The following SLC30A7 variants were observed in gnomAD, a reference collection of about 807,000 sequenced individuals.
SLC30A7 encodes the protein solute carrier family 30 member 7.
In SLC30A7, 35 loss-of-function variants were observed where a neutral mutation model predicts 46.0. That is an observed-to-expected ratio of 0.76 (90% CI 0.58 to 1.01). The LOEUF (loss-of-function observed/expected upper bound fraction) is 1.01, where lower values mean the gene tolerates loss of function less well. Among genes scored for constraint, SLC30A7 ranks in the 50% least tolerant of loss-of-function variants. The pLI is 0.00. For synonymous variants in SLC30A7, 147 were observed against 157.8 expected, an observed-to-expected ratio of 0.93 and a Z score of 0.51; for missense variants, 464 against 451.1, an observed-to-expected ratio of 1.03 and a Z score of -0.26.
At chr1:100,937,778 T>C (rs1200947488) in intron 8 of SLC30A7, among the ~76,000 whole-genome samples, 2 of 152,216 alleles carry the variant, frequency 1.3e-5, no homozygotes, top group African/African-American at 4.8e-5. Flanking sequence ...TTCATGTTTT[T>C]TCTTTTGTTT....
intron 10 of SLC30A7, among the ~76,000 whole-genome samples, chr1:100,968,090 T>C (rs1394168862): frequency 1.3e-5 from 2 of 152,192 alleles, no homozygotes; most frequent in Non-Finnish European, 1.5e-5. Context: ...GAAGCAAACA[T>C]GGTAAAATAT....
the SLC30A7 span, among the ~76,000 whole-genome samples, chr1:100,993,553 AATATAAATAT>A: frequency 8.3e-5 from 3 of 35,934 alleles, 1 homozygote; most frequent in Non-Finnish European, 1.8e-4. Flanking sequence ...CTCTGTCGAA[AATATAAATAT>A]ATATATATAT....
intron 10 of SLC30A7, among the ~76,000 whole-genome samples, chr1:100,969,083 T>G (rs1201097201): frequency 6.6e-6 from 1 of 152,238 alleles, no homozygotes; most frequent in Non-Finnish European, 1.5e-5. Context: ...GTGCTAATCT[T>G]ATGTGTAATC....
At chr1:100,936,506 T>C (rs1653975035) in intron 8 of SLC30A7, among the ~76,000 whole-genome samples, 1 of 152,218 alleles carries the variant, frequency 6.6e-6, no homozygotes, top group African/African-American at 2.4e-5. Flanking sequence ...AGTTAGCTTA[T>C]ACCTCTGTAT....
chr1:100,982,996 A>G (rs1657036392), downstream of SLC30A7, among the ~76,000 whole-genome samples: 2 of 152,120 alleles, frequency 1.3e-5, no homozygotes, highest in South Asian at 4.1e-4. Flanking sequence ...TCTTATGTAG[A>G]GTTTTGGCTT....
the SLC30A7 span, among the ~76,000 whole-genome samples, chr1:100,993,559 A>AATATATATATATAT: frequency 0.011 from 616 of 56,320 alleles, 44 homozygotes; most frequent in Non-Finnish European, 0.013. Flanking sequence ...CGAAAATATA[A>AATATATATATATAT]ATATATATAT....
intron 10 of SLC30A7, among the ~76,000 whole-genome samples, chr1:100,971,524 C>A (rs1656160606): frequency 6.6e-6 from 1 of 152,024 alleles, no homozygotes; most frequent in African/African-American, 2.4e-5. Flanking sequence ...TTAAGTAATC[C>A]ATATGATTTA....
chr1:100,974,080 G>C (rs1324901), intron 10 of SLC30A7, among the ~76,000 whole-genome samples: 1 of 152,156 alleles, frequency 6.6e-6, no homozygotes, highest in Non-Finnish European at 1.5e-5. Context: ...GTTAAGTAAA[G>C]ATTTTTGTTG....
Position 100,974,853 on chromosome 1 carries a change from T to G in SLC30A7, c.1127T>G (p.Met376Arg), listed in dbSNP as rs778612070. 4 of 1,599,250 alleles carry G rather than the reference T, an allele frequency of 2.5e-6. No homozygotes were observed. The East Asian group carries it at 8.9e-5, about 36-fold the overall frequency. ...QLYVQIDFAA[M>R] ...TACGTACAGATTGACTTTGCAGCCA[T>G]GTAGTGAATGGAAAGAAATTATGCA... Residue 376 changes from methionine to arginine, a missense_variant, in exon 11 of 11, where the codon ATG becomes AGG. Transcript: ENST00000357650.
At chr1:100,910,009 A>G (rs1453912058) in intron 3 of SLC30A7, among the ~76,000 whole-genome samples, 2 of 152,096 alleles carry the variant, frequency 1.3e-5, no homozygotes, top group Non-Finnish European at 2.9e-5. Flanking sequence ...CGTTATTTGG[A>G]TGTGTTAGAA....
chr1:100,909,123 A>G (rs777698344), intron 3 of SLC30A7, among the ~76,000 whole-genome samples: 1 of 151,966 alleles, frequency 6.6e-6, no homozygotes, highest in Non-Finnish European at 1.5e-5. Context: ...ATTTAACACT[A>G]TGAATAATTG....
rs17123572 is a variant in SLC30A7 at position 100,976,655 on chromosome 1, T to C, written c.*1798T>C. The C allele has an allele frequency of 0.13, 19,151 of 152,550 alleles. 1,330 individuals carry two copies. The highest frequency in any genetic ancestry group is 0.21 in the Middle Eastern group (62 of 294). The allele number at this position is 152,550 out of a possible 1,614,324, so 9.4% of individuals were successfully genotyped here. A position where few individuals can be genotyped will look rare whatever the true frequency, so the allele number is the denominator to read the frequency against. ...GCAGGATGGAAACAATTATTAAGAA[T>C]GTAGATCAATAAGTACTTTTTAGTG... is the stretch of plus-strand genomic sequence containing the variant. On this transcript the variant is annotated 3_prime_UTR_variant, in exon 11 of 11. Coordinates refer to ENST00000357650, the MANE Select transcript of SLC30A7 (RefSeq NM_133496.5).
the SLC30A7 span, chr1:100,990,226 A>G: frequency 8.2e-6 from 5 of 609,404 alleles, no homozygotes; most frequent in Non-Finnish European, 1.4e-5. Context: ...ATCAGATCTC[A>G]TGAAAGCTCA....
At chr1:100,923,871 T>C (rs1456987024) in intron 8 of SLC30A7, among the ~76,000 whole-genome samples, 1 of 152,250 alleles carries the variant, frequency 6.6e-6, no homozygotes, top group Non-Finnish European at 1.5e-5. Context: ...AAATTTCAGC[T>C]TAGATGTCCC....
At chr1:100,924,568 G>A (rs1407440148) in intron 8 of SLC30A7, among the ~76,000 whole-genome samples, 1 of 151,580 alleles carries the variant, frequency 6.6e-6, no homozygotes, top group African/African-American at 2.4e-5. Context: ...CCCTTTTCAT[G>A]GCATTTACTT....
chr1:100,923,402 A>T (rs1653082281), intron 8 of SLC30A7, among the ~76,000 whole-genome samples: 1 of 152,206 alleles, frequency 6.6e-6, no homozygotes, highest in Non-Finnish European at 1.5e-5. Flanking sequence ...TGCCTAAAAA[A>T]ATAGGATATA....
chr1:100,916,922 T>C (rs1003493174), intron 6 of SLC30A7, among the ~76,000 whole-genome samples: 2 of 152,192 alleles, frequency 1.3e-5, no homozygotes, highest in African/African-American at 4.8e-5. Flanking sequence ...TTACCTTTGC[T>C]GTTGATTGTG....
downstream of SLC30A7, among the ~76,000 whole-genome samples, chr1:100,985,369 A>T (rs1040835706): frequency 6.6e-6 from 1 of 152,202 alleles, no homozygotes; most frequent in Non-Finnish European, 1.5e-5. Context: ...ACACCATCTC[A>T]AACAATTCCA....
chr1:100,907,182 A>G (rs1651732813), intron 3 of SLC30A7, among the ~76,000 whole-genome samples: 1 of 152,168 alleles, frequency 6.6e-6, no homozygotes, highest in South Asian at 2.1e-4. Flanking sequence ...ATTGGAATCT[A>G]CAGTAATTTG....
Sources: allele counts gnomAD v4.1 joint callset (sites outside exome capture counted in the v4.1 genomes callset), GRCh38; gene constraint gnomAD v4.1.1; transcripts MANE v1.5; gene names NCBI Gene and HGNC (gene_info 2026-07-23, HGNC 2026-07-21).